Variants in CADM2 observed in about 807,000 individuals in gnomAD.
CADM2 encodes the protein immunoglobulin superfamily member 4D.
CADM2 carries 12 observed loss-of-function variants against 49.8 expected under a neutral mutation model. That is an observed-to-expected ratio of 0.24 (90% CI 0.15 to 0.39). The LOEUF (loss-of-function observed/expected upper bound fraction) is 0.39. CADM2 is among the 10% of genes least tolerant of loss of function. CADM2 has a pLI of 1.00. For synonymous variants in CADM2, 214 were observed against 175.4 expected (o/e 1.22, Z -1.74); for missense variants, 378 against 492.3 (o/e 0.77, Z 2.20).
intron 1 of CADM2, among the ~76,000 whole-genome samples, chr3:85,708,830 A>G (rs2067027685): frequency 6.6e-6 from 1 of 152,086 alleles, no homozygotes; most frequent in South Asian, 2.1e-4. Flanking sequence ...TGCCTGAAAT[A>G]TACACAAAGG....
intron 1 of CADM2, among the ~76,000 whole-genome samples, chr3:85,405,481 G>A (rs1455617108): frequency 6.6e-6 from 1 of 152,116 alleles, no homozygotes; most frequent in African/African-American, 2.4e-5. Context: ...CATTAGTCAA[G>A]CCAAACCCTA....
At chr3:85,271,001 C>T (rs1005633055) in intron 1 of CADM2, among the ~76,000 whole-genome samples, 1 of 151,236 alleles carries the variant, frequency 6.6e-6, no homozygotes, top group African/African-American at 2.4e-5. Flanking sequence ...CCATTTTAAA[C>T]TGGGGAAGGT....
At chr3:85,582,074 C>T (rs546104675) in intron 1 of CADM2, among the ~76,000 whole-genome samples, 12 of 152,068 alleles carry the variant, frequency 7.9e-5, no homozygotes, top group African/African-American at 2.4e-4. Context: ...TACAGGCACG[C>T]GCCACCAAGT....
chr3:85,359,658 A>ATG (rs1472399629), intron 1 of CADM2, among the ~76,000 whole-genome samples: 1 of 17,460 alleles, frequency 5.7e-5, no homozygotes, highest in African/African-American at 1.2e-4. Context: ...ATATATATAT[A>ATG]TATATATATT....
chr3:85,250,813 T>C (rs2042755084), intron 1 of CADM2, among the ~76,000 whole-genome samples: 1 of 151,722 alleles, frequency 6.6e-6, no homozygotes, highest in Non-Finnish European at 1.5e-5. Flanking sequence ...TTATGAATAT[T>C]TCTACATTTA....
intron 1 of CADM2, among the ~76,000 whole-genome samples, chr3:85,175,919 C>CTTTTTTTTTTTTTTTT (rs11329456): frequency 6.6e-5 from 5 of 76,262 alleles, no homozygotes; most frequent in African/African-American, 2.4e-4. Context: ...ATGTCCTAAT[C>CTTTTTTTTTTTTTTTT]TTTTTTTTTT....
intron 3 of CADM2, among the ~76,000 whole-genome samples, chr3:85,844,718 T>C (rs2108273173): frequency 6.6e-6 from 1 of 152,284 alleles, no homozygotes; most frequent in African/African-American, 2.4e-5. Flanking sequence ...TTGATATTAG[T>C]ATATTAATAA....
At position 85,382,411 on chromosome 3, in the gene CADM2, A is replaced by G. The variant is rs538679653; in HGVS notation, c.62-344111A>G. On this transcript the variant is annotated intron_variant, in intron 1 of 9. Coordinates refer to ENST00000383699, the MANE Select transcript of CADM2 (RefSeq NM_001167675.2). ...GATAGGAGTCAGGAGAAGGACTTTA[A>G]GAGCAATACCAGGTGAAGGATTAAG... 1.1e-4 allele frequency among the ~76,000 whole-genome samples: 16 copies of G among 152,270 alleles called. No homozygotes were observed. In the East Asian group the frequency reaches 2.9e-3, roughly 28 times the overall value.
At chr3:85,568,489 T>C (rs1462474636) in intron 1 of CADM2, among the ~76,000 whole-genome samples, 40 of 64,964 alleles carry the variant, frequency 6.2e-4, no homozygotes, top group African/African-American at 1.4e-3. Context: ...CTTTCTTTCT[T>C]TCTTTCTTTC....
intron 1 of CADM2, among the ~76,000 whole-genome samples, chr3:85,349,969 A>C (rs1037211056): frequency 6.6e-6 from 1 of 152,186 alleles, no homozygotes; most frequent in Non-Finnish European, 1.5e-5. Context: ...CTGATGTTTC[A>C]TTGAAGAGTA....
chr3:85,284,130 A>G (rs2043570383), intron 1 of CADM2, among the ~76,000 whole-genome samples: 1 of 152,184 alleles, frequency 6.6e-6, no homozygotes, highest in Non-Finnish European at 1.5e-5. Flanking sequence ...TGAAATGTGT[A>G]AGTAAAAATT....
chr3:85,417,394 A>C (rs752614164), intron 1 of CADM2, among the ~76,000 whole-genome samples: 1 of 152,132 alleles, frequency 6.6e-6, no homozygotes, highest in Non-Finnish European at 1.5e-5. Context: ...TCAAACACGA[A>C]TCGAGGCCCA....
intron 1 of CADM2, among the ~76,000 whole-genome samples, chr3:85,693,914 A>C (rs1224783278): frequency 6.6e-6 from 1 of 150,988 alleles, no homozygotes; most frequent in Non-Finnish European, 1.5e-5. Context: ...AAAAGAAAAA[A>C]GAAAAAAAAA....
chr3:85,212,883 TTTC>T (rs2041830056), intron 1 of CADM2, among the ~76,000 whole-genome samples: 1 of 134,088 alleles, frequency 7.5e-6, no homozygotes, highest in Non-Finnish European at 1.5e-5. Context: ...TCTTTCTTTC[TTTC>T]TCTTTCTTTC....
intron 1 of CADM2, among the ~76,000 whole-genome samples, chr3:85,502,234 G>C (rs1172666910): frequency 1.3e-5 from 2 of 152,124 alleles, no homozygotes; most frequent in Non-Finnish European, 2.9e-5. Flanking sequence ...AATCCACCTA[G>C]TTTCCTTCTG....
chr3:85,264,686 T>C (rs1001212611), intron 1 of CADM2, among the ~76,000 whole-genome samples: 1 of 152,066 alleles, frequency 6.6e-6, no homozygotes, highest in African/African-American at 2.4e-5. Context: ...GATATAGCAT[T>C]TCCACCAAAC....
chr3:85,945,930 G>T (rs1001339569), intron 7 of CADM2, among the ~76,000 whole-genome samples: 10 of 152,042 alleles, frequency 6.6e-5, no homozygotes, highest in Non-Finnish European at 1.0e-4. Flanking sequence ...TCTGGCCAGG[G>T]CAATCAGGCA....
At chr3:85,230,999 G>GAA (rs554941422) in intron 1 of CADM2, among the ~76,000 whole-genome samples, 9,269 of 144,982 alleles carry the variant, frequency 0.064, 953 homozygotes, top group African/African-American at 0.22. Context: ...TTTTTTTCTG[G>GAA]AAAAAAAAAA....
At chr3:85,196,348 C>T (rs1184957630) in intron 1 of CADM2, among the ~76,000 whole-genome samples, 1 of 151,876 alleles carries the variant, frequency 6.6e-6, no homozygotes, top group Admixed American at 6.6e-5. Context: ...GGAATATATT[C>T]AGATCTTAAA....
Sources: allele counts gnomAD v4.1 joint callset (sites outside exome capture counted in the v4.1 genomes callset), GRCh38; gene constraint gnomAD v4.1.1; transcripts MANE v1.5; gene names NCBI Gene and HGNC (gene_info 2026-07-23, HGNC 2026-07-21).